The following WWOX variants were observed in gnomAD, a reference collection of about 807,000 sequenced individuals.
The protein encoded by WWOX is WW domain-containing oxidoreductase.
A neutral mutation model predicts 46.2 loss-of-function variants in WWOX; 69 were observed. The ratio of observed to expected loss-of-function variants is 1.49; its 90% CI spans 1.23 to 1.82. The LOEUF (loss-of-function observed/expected upper bound fraction) is 1.82. Among genes scored for constraint, WWOX ranks in the 40% most tolerant of loss-of-function variants. The pLI is 0.00. For missense variants in WWOX, 919 were observed against 542.6 expected (o/e 1.69, Z -6.89); for synonymous variants, 359 against 202.6 (o/e 1.77, Z -6.56).
At chr16:79,070,822 G>C (rs1220438406) in intron 8 of WWOX, among the ~76,000 whole-genome samples, 1 of 152,160 alleles carries the variant, frequency 6.6e-6, no homozygotes, top group South Asian at 2.1e-4. Context: ...CTTTAGATTA[G>C]TGATTCTATA....
chr16:78,303,920 G>C (rs149653165), intron 5 of WWOX, among the ~76,000 whole-genome samples: 7 of 152,180 alleles, frequency 4.6e-5, no homozygotes, highest in African/African-American at 7.2e-5. Flanking sequence ...GAGCCAAGCC[G>C]TCAGCTATTG....
At chr16:78,533,174 A>G (rs919373075) in intron 8 of WWOX, among the ~76,000 whole-genome samples, 2 of 152,156 alleles carry the variant, frequency 1.3e-5, no homozygotes, top group African/African-American at 2.4e-5. Context: ...TCCTGAGGCT[A>G]TCTTTACAGG....
Position 78,745,802 on chromosome 16 carries a change from G to C in WWOX, c.1056+313050G>C, listed in dbSNP as rs143838504. 3.3e-5 allele frequency among the ~76,000 whole-genome samples: 5 copies of C among 151,270 alleles called. No individual in the cohort carries two copies. In the East Asian group the frequency reaches 7.8e-4, roughly 24 times the overall value. On this transcript the variant is annotated intron_variant, in intron 8 of 8. Transcript: ENST00000566780. ...CAAATAGTTCCAAGACCAGAGTTGA[G>C]GGTGGGTGGGTAGAGGGCTAGTTTA...
intron 3 of WWOX, 110 bp downstream of exon 3, chr16:78,109,945 GTA>G: frequency 1.7e-6 from 2 of 1,168,640 alleles, no homozygotes; most frequent in Non-Finnish European, 2.5e-6. Flanking sequence ...ATAACAGTGT[GTA>G]TCTGTAATCT....
chr16:78,691,149 C>T, intron 8 of WWOX: 3 of 670,848 alleles, frequency 4.5e-6, no homozygotes, highest in Non-Finnish European at 8.1e-6. Flanking sequence ...AAAGCAAAAG[C>T]ACAGTATTTC....
At chr16:78,389,484 C>A (rs1211384109) in intron 6 of WWOX, among the ~76,000 whole-genome samples, 1 of 152,126 alleles carries the variant, frequency 6.6e-6, no homozygotes, top group Non-Finnish European at 1.5e-5. Context: ...ATGATAATGA[C>A]AAGAACAGCA....
intron 5 of WWOX, among the ~76,000 whole-genome samples, chr16:78,299,598 G>A (rs554153164): frequency 4.4e-4 from 66 of 151,000 alleles, no homozygotes; most frequent in Admixed American, 1.1e-3. Context: ...CAAGATCGTA[G>A]CTCACTGCAG....
At chr16:78,147,642 A>T (rs2034244179) in intron 4 of WWOX, among the ~76,000 whole-genome samples, 1 of 149,718 alleles carries the variant, frequency 6.7e-6, no homozygotes, top group Admixed American at 6.7e-5. Flanking sequence ...GGTGAGAGCC[A>T]AGGTCAATCT....
intron 8 of WWOX, among the ~76,000 whole-genome samples, chr16:79,041,293 C>A (rs1217003958): frequency 6.6e-6 from 1 of 152,198 alleles, no homozygotes; most frequent in Non-Finnish European, 1.5e-5. Context: ...CCTGTCACCC[C>A]TCCCGCTTGT....
intron 5 of WWOX, among the ~76,000 whole-genome samples, chr16:78,174,983 G>A (rs555473717): frequency 2.4e-5 from 3 of 122,564 alleles, no homozygotes; most frequent in African/African-American, 8.7e-5. Context: ...GCAAGACTCT[G>A]TCTCAAAAAT....
intron 8 of WWOX, among the ~76,000 whole-genome samples, chr16:79,040,195 G>T (rs941679749): frequency 6.6e-6 from 1 of 151,848 alleles, no homozygotes; most frequent in Non-Finnish European, 1.5e-5. Context: ...TTCATCCTTG[G>T]TATGACCTCC....
intron 8 of WWOX, among the ~76,000 whole-genome samples, chr16:79,002,282 G>C (rs1043707422): frequency 7.4e-6 from 1 of 134,394 alleles, no homozygotes; most frequent in African/African-American, 2.9e-5. Flanking sequence ...GGAGTGCAAT[G>C]GCGTGATCTC....
chr16:78,823,675 G>A (rs1443446949), intron 8 of WWOX, among the ~76,000 whole-genome samples: 1 of 152,158 alleles, frequency 6.6e-6, no homozygotes, highest in South Asian at 2.1e-4. Flanking sequence ...CTGTGCAAAT[G>A]TGTGCATTTA....
chr16:78,600,394 C>G (rs562403750), intron 8 of WWOX, among the ~76,000 whole-genome samples: 1 of 152,244 alleles, frequency 6.6e-6, no homozygotes, highest in East Asian at 1.9e-4. Context: ...CAGCTCCAGC[C>G]ATTTGTTACT....
At chr16:78,774,729 C>G (rs962645704) in intron 8 of WWOX, among the ~76,000 whole-genome samples, 15 of 152,054 alleles carry the variant, frequency 9.9e-5, no homozygotes, top group African/African-American at 3.4e-4. Context: ...CCAACACACA[C>G]ACATACACAC....
At chr16:78,404,181 G>GT (rs1030508207) in intron 6 of WWOX, among the ~76,000 whole-genome samples, 4 of 152,094 alleles carry the variant, frequency 2.6e-5, no homozygotes, top group African/African-American at 9.7e-5. Context: ...GGACTCGGGG[G>GT]TTTTTTAAAA....
intron 5 of WWOX, among the ~76,000 whole-genome samples, chr16:78,234,885 G>A (rs2037386254): frequency 6.6e-6 from 1 of 151,724 alleles, no homozygotes; most frequent in Admixed American, 6.6e-5. Flanking sequence ...GATATAGCAG[G>A]ATCTTGGAGA....
chr16:78,894,135 C>A (rs1479013450), intron 8 of WWOX, among the ~76,000 whole-genome samples: 1 of 151,610 alleles, frequency 6.6e-6, no homozygotes, highest in African/African-American at 2.4e-5. Context: ...ACCTCCTGGG[C>A]TCAAGCAATC....
intron 8 of WWOX, among the ~76,000 whole-genome samples, chr16:78,567,389 C>CA (rs749420776): frequency 0.025 from 3,405 of 138,610 alleles, 112 homozygotes; most frequent in African/African-American, 0.078. Flanking sequence ...ACTAAAAATA[C>CA]AAAAAAAAAA....
Sources: allele counts gnomAD v4.1 joint callset (sites outside exome capture counted in the v4.1 genomes callset), GRCh38; gene constraint gnomAD v4.1.1; transcripts MANE v1.5; gene names NCBI Gene and HGNC (gene_info 2026-07-23, HGNC 2026-07-21).